SLC8A3: variants seen among roughly 807,000 people sequenced by gnomAD.
SLC8A3 encodes the protein solute carrier family 8 member A3, also known as sodium/calcium exchanger 3.
A neutral mutation model predicts 65.4 loss-of-function variants in SLC8A3; 37 were observed. The ratio of observed to expected loss-of-function variants is 0.57; its 90% CI spans 0.44 to 0.74. The LOEUF (loss-of-function observed/expected upper bound fraction) is 0.74. SLC8A3 is among the 30% of genes least tolerant of loss of function. SLC8A3 has a pLI of 0.00. For synonymous variants in SLC8A3, 461 were observed against 444.5 expected, an observed-to-expected ratio of 1.04 and a Z score of -0.47; for missense variants, 1,112 against 1,172.1, an observed-to-expected ratio of 0.95 and a Z score of 0.75.
intron 2 of SLC8A3, among the ~76,000 whole-genome samples, chr14:70,079,481 C>T (rs57898302): frequency 0.17 from 26,264 of 151,420 alleles, 2,360 homozygotes; most frequent in East Asian, 0.42. Flanking sequence ...CCAGCCTGGG[C>T]GACAGAGTGA....
At chr14:70,188,227 G>A (rs1224395880) in intron 1 of SLC8A3, among the ~76,000 whole-genome samples, 152 bp downstream of exon 1, 3 of 152,186 alleles carry the variant, frequency 2.0e-5, no homozygotes, top group Non-Finnish European at 4.4e-5. Flanking sequence ...CCACAGGAAG[G>A]CGGTTCATAT....
rs116666824 is a variant in SLC8A3 at position 70,101,436 on chromosome 14, A to T, written c.1785-40497T>A. On this transcript the variant is annotated intron_variant, in intron 2 of 6. Transcript: ENST00000356921. ...GTGGTAGAAGTTCAAAGAAAGAGAG[A>T]AGACTAAAAAAAAGGTGGATGAGGG... is the stretch of plus-strand genomic sequence containing the variant. Among the ~76,000 whole-genome samples the T allele has an allele frequency of 2.9e-3, 434 of 152,228 alleles. 1 individual carries two copies. The highest frequency in any genetic ancestry group is 0.01 in the African/African-American group (425 of 41,532).
intron 2 of SLC8A3, among the ~76,000 whole-genome samples, chr14:70,139,299 G>A (rs1325707518): frequency 6.6e-6 from 1 of 152,180 alleles, no homozygotes; most frequent in Non-Finnish European, 1.5e-5. Flanking sequence ...GCCAAGTGAA[G>A]GGGTGCCAGC....
rs769581524 is a variant in SLC8A3 at position 70,167,972 on chromosome 14, A to G, written c.451T>C (p.Ser151Pro). The change falls in exon 2 of 7, where the codon TCT (serine) becomes CCT (proline). Residue 151 changes from serine (S) to proline (P), a missense_variant. Coordinates refer to ENST00000356921, the MANE Select transcript of SLC8A3 (RefSeq NM_182932.3). Reference sequence around the variant, plus strand: ...CCATGACCACACACCTCAATTAAAGAGAGGAGTATCTCAGGAGCAGAGGAA... The same window carrying G: ...CCATGACCACACACCTCAATTAAAGGGAGGAGTATCTCAGGAGCAGAGGAA... ...LGSSAPEILL[S>P]LIEVCGHGFI... The G allele has an allele frequency of 6.2e-7, 1 of 1,614,102 alleles. No homozygotes were observed. Among genetic ancestry groups the G allele is most frequent in the Non-Finnish European group, 8.5e-7 (1 of 1,179,984 alleles).
At position 70,081,431 on chromosome 14, in the gene SLC8A3, C is replaced by G. The variant is rs531945213; in HGVS notation, c.1785-20492G>C. Among the ~76,000 whole-genome samples, 343 of 152,318 alleles carry G rather than the reference C, an allele frequency of 2.3e-3. 1 individual carries two copies. The highest frequency in any genetic ancestry group is 8.0e-3 in the African/African-American group (334 of 41,572). ...TGGAATAAAATTGCATCACCTATCT[C>G]TTTTTCCTATCTGATTCCTCGAGCT... On this transcript the variant is annotated intron_variant, in intron 2 of 6. Coordinates refer to ENST00000356921, the MANE Select transcript of SLC8A3 (RefSeq NM_182932.3).
At chr14:70,130,697 C>A (rs1894767639) in intron 2 of SLC8A3, among the ~76,000 whole-genome samples, 1 of 152,204 alleles carries the variant, frequency 6.6e-6, no homozygotes, top group African/African-American at 2.4e-5. Flanking sequence ...CTGTAAATGG[C>A]TCATTTACTC....
At chr14:70,187,821 C>T (rs1381535970) in intron 1 of SLC8A3, among the ~76,000 whole-genome samples, 1 of 152,098 alleles carries the variant, frequency 6.6e-6, no homozygotes, top group Non-Finnish European at 1.5e-5. Context: ...GCTCCCGACC[C>T]GCGGCGGTGG....
At chr14:70,130,010 G>T (rs1052436447) in intron 2 of SLC8A3, among the ~76,000 whole-genome samples, 1 of 152,178 alleles carries the variant, frequency 6.6e-6, no homozygotes. Context: ...ATAGTCACCA[G>T]CAGTATTTCC....
At position 70,044,713 on chromosome 14, in the gene SLC8A3, A is replaced by G. The variant is rs147653055; in HGVS notation, c.*1234T>C. 6.6e-6 allele frequency: 1 copy of G among 152,212 alleles called. No individual in the cohort carries two copies. The highest frequency in any genetic ancestry group is 2.4e-5 in the African/African-American group (1 of 41,448). 9.4% of individuals were successfully genotyped at this position (152,212 alleles called of 1,614,324 possible). A position where few individuals can be genotyped will look rare whatever the true frequency, so the allele number is the denominator to read the frequency against. ...TCCTATCTTGTAAAAATGCTTTCAT[A>G]TGTGACCTGAGGGACCAGGAGAGGT... is the stretch of plus-strand genomic sequence containing the variant. On this transcript the variant is annotated 3_prime_UTR_variant, in exon 7 of 7. Coordinates refer to ENST00000356921, the MANE Select transcript of SLC8A3 (RefSeq NM_182932.3).
chr14:70,171,774 C>A (rs147187537), intron 1 of SLC8A3, among the ~76,000 whole-genome samples: 257 of 152,104 alleles, frequency 1.7e-3, no homozygotes, highest in African/African-American at 5.9e-3. Context: ...CACTCCCACC[C>A]GGGCAACAAG....
Position 70,167,274 on chromosome 14 carries a change from C to T in SLC8A3, c.1149G>A (p.Met383Ile). The T allele has an allele frequency of 1.2e-6, 2 of 1,614,210 alleles. No homozygotes were observed. The highest frequency in any genetic ancestry group is 1.7e-5 in the Admixed American group (1 of 60,024). ...AAEQAKKASS[M>I]SEVHTDEPED... Reference sequence around the variant, plus strand: ...CAGGCTCATCGGTGTGCACCTCGCTCATGCTGGAGGCCTTCTTGGCTTGTT... The same window carrying T: ...CAGGCTCATCGGTGTGCACCTCGCTTATGCTGGAGGCCTTCTTGGCTTGTT... The change falls in exon 2 of 7, where the codon ATG becomes ATA. Residue 383 changes from methionine to isoleucine, a missense_variant. Transcript: ENST00000356921.
At chr14:70,145,966 A>C (rs1403761574) in intron 2 of SLC8A3, among the ~76,000 whole-genome samples, 1 of 141,470 alleles carries the variant, frequency 7.1e-6, no homozygotes, top group African/African-American at 2.5e-5. Context: ...AGAGGGAGGG[A>C]GGGAGGGAAG....
chr14:70,144,757 C>A (rs1363208708), intron 2 of SLC8A3, among the ~76,000 whole-genome samples: 1 of 152,192 alleles, frequency 6.6e-6, no homozygotes, highest in African/African-American at 2.4e-5. Flanking sequence ...GTCATCACAA[C>A]CTATATCATT....
chr14:70,180,476 C>A (rs965271058), intron 1 of SLC8A3, among the ~76,000 whole-genome samples: 1 of 151,992 alleles, frequency 6.6e-6, no homozygotes, highest in African/African-American at 2.4e-5. Context: ...TAGCTACTAC[C>A]TTCACAGATG....
At chr14:70,179,121 T>C (rs1342518737) in intron 1 of SLC8A3, among the ~76,000 whole-genome samples, 1 of 152,220 alleles carries the variant, frequency 6.6e-6, no homozygotes, top group Non-Finnish European at 1.5e-5. Context: ...TTCTCTCTAC[T>C]TGAAACAACC....
intron 2 of SLC8A3, among the ~76,000 whole-genome samples, chr14:70,076,077 A>G (rs1346840563): frequency 6.6e-6 from 1 of 151,764 alleles, no homozygotes; most frequent in Non-Finnish European, 1.5e-5. Flanking sequence ...CTTTTCCACC[A>G]CCCACTCGGC....
intron 2 of SLC8A3, among the ~76,000 whole-genome samples, chr14:70,089,662 A>G (rs1312444654): frequency 6.6e-6 from 1 of 152,220 alleles, no homozygotes; most frequent in Non-Finnish European, 1.5e-5. Flanking sequence ...CAAAGAAGGT[A>G]TCTTTGAATC....
In SLC8A3 at chr14:70,142,275, A is replaced by G. The variant is rs146107144; in HGVS notation, c.1784+24364T>C. The stretch of plus-strand genomic sequence containing the variant: ...GGGAGATGCTGTTCTTGCAGAGCTC[A>G]GAAAAGGAATTTCAAACCTTCAGAA... On this transcript the variant is annotated intron_variant, in intron 2 of 6. Transcript: ENST00000356921. Among the ~76,000 whole-genome samples the G allele has an allele frequency of 1.9e-3, 284 of 152,362 alleles. 3 individuals carry two copies. The highest frequency in any genetic ancestry group is 6.4e-3 in the African/African-American group (266 of 41,594).
intron 2 of SLC8A3, among the ~76,000 whole-genome samples, chr14:70,148,162 T>C (rs765357329): frequency 6.6e-6 from 1 of 152,260 alleles, no homozygotes; most frequent in South Asian, 2.1e-4. Context: ...TTGTTTTATA[T>C]GTTTTTGTCC....
Sources: gnomAD v4.1 joint callset for allele counts (sites outside exome capture counted in the v4.1 genomes callset) on GRCh38, gnomAD v4.1.1 for gene constraint, MANE v1.5 for transcripts, NCBI Gene and HGNC (gene_info 2026-07-23, HGNC 2026-07-21) for gene names.